GPR158: variants seen among roughly 807,000 people sequenced by gnomAD.
GPR158 encodes G protein-coupled receptor 158.
A neutral mutation model predicts 78.2 loss-of-function variants in GPR158; 30 were observed. The ratio of observed to expected loss-of-function variants is 0.38; its 90% CI spans 0.29 to 0.52. GPR158 has a LOEUF of 0.52. GPR158 is among the 20% of genes least tolerant of loss of function. GPR158 has a pLI of 0.83. For missense variants in GPR158, 1,463 were observed against 1,523.5 expected (o/e 0.96, Z 0.66); for synonymous variants, 581 against 591.1 (o/e 0.98, Z 0.25).
At chr10:25,458,010 CTTG>C (rs1310145815) in intron 4 of GPR158, among the ~76,000 whole-genome samples, 2 of 152,166 alleles carry the variant, frequency 1.3e-5, no homozygotes, top group East Asian at 1.9e-4. Context: ...TAATGAATGA[CTTG>C]TTATTTCTAA....
At chr10:25,184,467 T>A (rs2130632278) in intron 1 of GPR158, among the ~76,000 whole-genome samples, 1 of 152,356 alleles carries the variant, frequency 6.6e-6, no homozygotes, top group African/African-American at 2.4e-5. Context: ...TAAATTAGAT[T>A]GTTATTTGTC....
intron 5 of GPR158, among the ~76,000 whole-genome samples, chr10:25,525,904 C>T (rs971029858): frequency 6.6e-6 from 1 of 151,802 alleles, no homozygotes; most frequent in Non-Finnish European, 1.5e-5. Flanking sequence ...GTCAGGAGTT[C>T]GAGACCAGCC....
chr10:25,285,313 G>GTA (rs1854335771), intron 2 of GPR158, among the ~76,000 whole-genome samples: 1 of 150,372 alleles, frequency 6.7e-6, no homozygotes, highest in African/African-American at 2.5e-5. Context: ...GTATGTATGT[G>GTA]TCTGTCTGTC....
Position 25,596,720 on chromosome 10 carries a change from T to C in GPR158, c.2076T>C (p.Ser692=), listed in dbSNP as rs1837412947. ...AGGATGAGCTAGACATGGGCCGATC[T>C]GGATCCTACCTGAACAGCAGTATCA... The part of the protein sequence containing the change: ...AYEDELDMGR[S]GSYLNSSINS... Residue 692 remains serine, a synonymous_variant, in exon 10 of 11, where the codon TCT becomes TCC. Transcript: ENST00000376351. 1 of 1,613,802 alleles carries C rather than the reference T, an allele frequency of 6.2e-7. No homozygotes were observed. Among genetic ancestry groups the C allele is most frequent in the Non-Finnish European group, 8.5e-7 (1 of 1,179,728 alleles).
intron 3 of GPR158, among the ~76,000 whole-genome samples, chr10:25,398,821 T>A (rs963621817): frequency 6.6e-6 from 1 of 152,148 alleles, no homozygotes; most frequent in African/African-American, 2.4e-5. Flanking sequence ...CAGCACATAC[T>A]TAGCCAAGAC....
At chr10:25,516,420 G>C (rs1471469401) in intron 5 of GPR158, among the ~76,000 whole-genome samples, 1 of 152,004 alleles carries the variant, frequency 6.6e-6, no homozygotes, top group Non-Finnish European at 1.5e-5. Context: ...ATTGCTTTTG[G>C]TGTTTTGGAC....
At chr10:25,315,583 A>G (rs1308612561) in intron 2 of GPR158, among the ~76,000 whole-genome samples, 1 of 152,168 alleles carries the variant, frequency 6.6e-6, no homozygotes, top group African/African-American at 2.4e-5. Flanking sequence ...ATTCACATTG[A>G]TATGACTATT....
chr10:25,306,853 T>G (rs1327074262), intron 2 of GPR158, among the ~76,000 whole-genome samples: 1 of 152,164 alleles, frequency 6.6e-6, no homozygotes, highest in African/African-American at 2.4e-5. Context: ...ACTTCTAGTG[T>G]GTCTTCTTGC....
At chr10:25,306,439 CTCA>C (rs1399686675) in intron 2 of GPR158, among the ~76,000 whole-genome samples, 1 of 152,126 alleles carries the variant, frequency 6.6e-6, no homozygotes, top group African/African-American at 2.4e-5. Context: ...CATGAGACCT[CTCA>C]TCATGGTACA....
intron 1 of GPR158, among the ~76,000 whole-genome samples, chr10:25,217,263 T>A (rs1853229894): frequency 6.6e-6 from 1 of 152,190 alleles, no homozygotes; most frequent in African/African-American, 2.4e-5. Flanking sequence ...AACTTTAGGA[T>A]TTTTTTAGTC....
intron 5 of GPR158, among the ~76,000 whole-genome samples, chr10:25,472,238 G>A (rs1236873927): frequency 6.6e-6 from 1 of 151,858 alleles, no homozygotes; most frequent in Admixed American, 6.6e-5. Flanking sequence ...CCCATTTCTT[G>A]TTTTTGTCAG....
At chr10:25,374,016 AT>A (rs1181186130) in intron 2 of GPR158, among the ~76,000 whole-genome samples, 3 of 151,758 alleles carry the variant, frequency 2.0e-5, no homozygotes, top group Non-Finnish European at 4.4e-5. Flanking sequence ...CTGCAAAAAA[AT>A]GTATTAAATC....
At chr10:25,573,837 G>A (rs7094025) in intron 7 of GPR158, among the ~76,000 whole-genome samples, 84,002 of 151,890 alleles carry the variant, frequency 0.55, 25,242 homozygotes, top group African/African-American at 0.79. Context: ...TTTCTGGGCA[G>A]GATATTTCAG....
intron 2 of GPR158, among the ~76,000 whole-genome samples, chr10:25,380,461 T>C (rs1222679435): frequency 6.6e-6 from 1 of 152,230 alleles, no homozygotes. Flanking sequence ...TTTATGTATA[T>C]AATGCAGTTC....
At chr10:25,374,158 A>G (rs922289017) in intron 2 of GPR158, among the ~76,000 whole-genome samples, 2 of 151,654 alleles carry the variant, frequency 1.3e-5, no homozygotes, top group South Asian at 4.1e-4. Context: ...TCGTCGTGAA[A>G]TGCCACTCTA....
chr10:25,434,641 A>C (rs2130580965), intron 4 of GPR158, among the ~76,000 whole-genome samples: 1 of 152,328 alleles, frequency 6.6e-6, no homozygotes, highest in Middle Eastern at 3.4e-3. Flanking sequence ...TCACAATCTA[A>C]TGGAGAAAGG....
At chr10:25,213,650 TTGTG>T (rs1853165616) in intron 1 of GPR158, among the ~76,000 whole-genome samples, 2 of 152,104 alleles carry the variant, frequency 1.3e-5, no homozygotes, top group African/African-American at 4.8e-5. Flanking sequence ...TTTTCTTTTT[TTGTG>T]TGTGAAAACA....
chr10:25,498,586 T>G (rs974346029), intron 5 of GPR158, among the ~76,000 whole-genome samples: 1 of 152,206 alleles, frequency 6.6e-6, no homozygotes, highest in Non-Finnish European at 1.5e-5. Flanking sequence ...GGTAAAGCCA[T>G]AGATGTTTGC....
At position 25,241,311 on chromosome 10, in the gene GPR158, T is replaced by TTTCTTTTCTTTTCTCTTCTCTTCTC. The variant is rs1554787218; in HGVS notation, c.1008+20158_1008+20159insTTTCTTTTCTCTTCTCTTCTCTTCT. On this transcript the variant is annotated intron_variant, in intron 2 of 10. Coordinates refer to ENST00000376351, the MANE Select transcript of GPR158 (RefSeq NM_020752.3). ...TTTCTTTTCTTTTCTTTTCTTTTCTTTTCTCTTCTCTTCTCTTCTCTTCTC... is the reference window on the plus strand; with the variant it reads ...TTTCTTTTCTTTTCTTTTCTTTTCTTTTCTTTTCTTTTCTCTTCTCTTCTCTTCTCTTCTCTTCTCTTCTCTTCTC... 1.4e-3 allele frequency among the ~76,000 whole-genome samples: 149 copies of TTTCTTTTCTTTTCTCTTCTCTTCTC among 104,564 alleles called. 4 individuals are homozygous for TTTCTTTTCTTTTCTCTTCTCTTCTC. The East Asian group carries it at 0.025, about 18-fold the overall frequency. 68.6% of individuals were successfully genotyped at this position (104,564 alleles called of 152,430 possible).
Sources: gnomAD v4.1 joint callset for allele counts (sites outside exome capture counted in the v4.1 genomes callset) on GRCh38, gnomAD v4.1.1 for gene constraint, MANE v1.5 for transcripts, NCBI Gene and HGNC (gene_info 2026-07-23, HGNC 2026-07-21) for gene names.